The following NRF1 variants were observed in gnomAD, a reference collection of about 807,000 sequenced individuals.
NRF1 encodes the protein nuclear respiratory factor 1.
A neutral mutation model predicts 58.5 loss-of-function variants in NRF1; 5 were observed. The observed-to-expected ratio is 0.09, with a 90% CI of 0.04 to 0.18. The LOEUF is 0.18. Among genes scored for constraint, NRF1 ranks in the 10% least tolerant of loss-of-function variants. The pLI, the probability that NRF1 is intolerant of heterozygous loss-of-function variation, is 1.00. For synonymous variants in NRF1, 224 were observed against 246.7 expected, an observed-to-expected ratio of 0.91 and a Z score of 0.86; for missense variants, 288 against 657.7, an observed-to-expected ratio of 0.44 and a Z score of 6.15.
intron 5 of NRF1, among the ~76,000 whole-genome samples, chr7:129,691,468 A>T: frequency 6.7e-6 from 1 of 149,766 alleles, no homozygotes; most frequent in East Asian, 2.0e-4. Flanking sequence ...TTCAAGCGCT[A>T]CTCGTGCCTC....
At chr7:129,704,734 T>G (rs900601777) in intron 5 of NRF1, among the ~76,000 whole-genome samples, 14 of 152,228 alleles carry the variant, frequency 9.2e-5, no homozygotes, top group Non-Finnish European at 2.1e-4. Flanking sequence ...GTATTTTTAA[T>G]AATTTTGTGC....
intron 3 of NRF1, among the ~76,000 whole-genome samples, chr7:129,675,975 G>A (rs1802168426): frequency 6.6e-6 from 1 of 152,164 alleles, no homozygotes; most frequent in South Asian, 2.1e-4. Context: ...GTTTAGTGTA[G>A]CCACTTATCT....
intron 1 of NRF1, among the ~76,000 whole-genome samples, chr7:129,621,729 G>T (rs1177220966): frequency 6.7e-6 from 1 of 150,204 alleles, no homozygotes; most frequent in Non-Finnish European, 1.5e-5. Context: ...TGTTAAAATT[G>T]TTGTCTTCTT....
In NRF1 at chr7:129,613,071, A is replaced by G. The variant is rs991392905; in HGVS notation, c.-7+1247A>G. Among the ~76,000 whole-genome samples, 196 of 152,350 alleles carry G rather than the reference A, an allele frequency of 1.3e-3. 3 individuals carry two copies. Among genetic ancestry groups the G allele is most frequent in the Non-Finnish European group, 3.2e-4 (22 of 68,028 alleles). ...AAAATTCACATTTTTTTAAGTGTTC[A>G]GAGACTGCGTATTGAGAGACGCATA... On this transcript the variant is annotated intron_variant, in intron 1 of 10. Coordinates refer to ENST00000393232, the MANE Select transcript of NRF1 (RefSeq NM_005011.5).
At chr7:129,627,155 T>G (rs1800937576) in intron 1 of NRF1, among the ~76,000 whole-genome samples, 2 of 152,236 alleles carry the variant, frequency 1.3e-5, no homozygotes, top group African/African-American at 4.8e-5. Flanking sequence ...TGTCCTTCCC[T>G]TTTTAAAACA....
At chr7:129,745,749 AAC>A (rs770644963) in intron 10 of NRF1, among the ~76,000 whole-genome samples, 19 of 152,234 alleles carry the variant, frequency 1.2e-4, no homozygotes, top group Non-Finnish European at 2.1e-4. Context: ...TGAATACTGA[AAC>A]ACAGAGCGTT....
At chr7:129,693,711 C>T (rs1486199267) in intron 5 of NRF1, among the ~76,000 whole-genome samples, 4 of 152,216 alleles carry the variant, frequency 2.6e-5, no homozygotes, top group Admixed American at 6.5e-5. Context: ...TTTCTAGAGG[C>T]ATTCTGACTG....
intron 2 of NRF1, among the ~76,000 whole-genome samples, chr7:129,670,603 A>C (rs949588980): frequency 4.6e-5 from 7 of 152,340 alleles, no homozygotes; most frequent in African/African-American, 1.7e-4. Flanking sequence ...TAAGCCTTTT[A>C]CAAGATTCAT....
intron 1 of NRF1, among the ~76,000 whole-genome samples, chr7:129,624,805 A>G (rs1463717796): frequency 6.6e-6 from 1 of 151,788 alleles, no homozygotes; most frequent in Non-Finnish European, 1.5e-5. Context: ...TTACCTACTG[A>G]TTTTACTCTG....
intron 1 of NRF1, among the ~76,000 whole-genome samples, chr7:129,656,577 GTGTT>G (rs1201156967): frequency 6.6e-5 from 10 of 151,726 alleles, no homozygotes; most frequent in East Asian, 1.9e-4. Flanking sequence ...TTTGGAGGGG[GTGTT>G]TGTTTGTTTT....
intron 1 of NRF1, among the ~76,000 whole-genome samples, chr7:129,647,168 G>T (rs1282157041): frequency 6.6e-6 from 1 of 151,986 alleles, no homozygotes; most frequent in Admixed American, 6.6e-5. Flanking sequence ...CTCCAGAGTA[G>T]CTGGGATTAC....
intron 5 of NRF1, among the ~76,000 whole-genome samples, chr7:129,708,267 A>G (rs1265555356): frequency 1.3e-5 from 2 of 152,216 alleles, no homozygotes; most frequent in African/African-American, 4.8e-5. Flanking sequence ...AATATTCACA[A>G]AGTAGACCCT....
chr7:129,612,775 A>G (rs1476407232), intron 1 of NRF1, among the ~76,000 whole-genome samples: 3 of 151,748 alleles, frequency 2.0e-5, no homozygotes, highest in African/African-American at 7.3e-5. Context: ...AATGTTGTGC[A>G]CTCCATCGTG....
intron 1 of NRF1, among the ~76,000 whole-genome samples, chr7:129,622,287 A>G (rs1475161534): frequency 6.6e-6 from 1 of 152,136 alleles, no homozygotes; most frequent in Non-Finnish European, 1.5e-5. Context: ...TAATGACTTC[A>G]CTGTCAGATT....
At chr7:129,754,738 C>T (rs957812158) in intron 10 of NRF1, among the ~76,000 whole-genome samples, 2 of 152,076 alleles carry the variant, frequency 1.3e-5, no homozygotes, top group Non-Finnish European at 2.9e-5. Context: ...TGGTAATTTT[C>T]TTGATTTGAT....
intron 10 of NRF1, among the ~76,000 whole-genome samples, chr7:129,735,735 G>A (rs554189167): frequency 3.9e-5 from 6 of 152,106 alleles, no homozygotes; most frequent in East Asian, 1.9e-4. Context: ...ACCACCGGGC[G>A]CGGTGGCTGA....
chr7:129,745,769 G>A (rs565738370), intron 10 of NRF1, among the ~76,000 whole-genome samples: 1 of 152,102 alleles, frequency 6.6e-6, no homozygotes, highest in Non-Finnish European at 1.5e-5. Context: ...GTTTCATAAC[G>A]CTCCTGGGCA....
intron 1 of NRF1, among the ~76,000 whole-genome samples, chr7:129,634,900 G>T (rs1221069235): frequency 6.6e-6 from 1 of 152,154 alleles, no homozygotes; most frequent in East Asian, 1.9e-4. Context: ...TGTGGGGCTG[G>T]TTGTCCCTAC....
chr7:129,687,819 G>C (rs1802476374), intron 4 of NRF1, among the ~76,000 whole-genome samples: 2 of 152,208 alleles, frequency 1.3e-5, no homozygotes. Context: ...TCTCAGAATT[G>C]ATAGATCAGA....
Sources: allele counts gnomAD v4.1 joint callset (sites outside exome capture counted in the v4.1 genomes callset), GRCh38; gene constraint gnomAD v4.1.1; transcripts MANE v1.5; gene names NCBI Gene and HGNC (gene_info 2026-07-23, HGNC 2026-07-21).